Variants in ZP1 observed in about 807,000 individuals in gnomAD.
ZP1 encodes zona pellucida sperm-binding protein 1.
A neutral mutation model predicts 67.4 loss-of-function variants in ZP1; 58 were observed. The observed-to-expected ratio is 0.86, with a 90% CI of 0.70 to 1.07. The LOEUF is 1.07. ZP1 is among the 50% of genes least tolerant of loss of function. The pLI, the probability that ZP1 is intolerant of heterozygous loss-of-function variation, is 0.00. For synonymous variants in ZP1, 333 were observed against 332.7 expected (o/e 1.00, Z -0.01); for missense variants, 759 against 807.3 (o/e 0.94, Z 0.72).
intron 3 of ZP1, 100 bp downstream of exon 3, chr11:60,870,000 T>C (rs1321066179): frequency 1.4e-6 from 2 of 1,397,002 alleles, no homozygotes; most frequent in South Asian, 1.7e-5. Flanking sequence ...ATTTCTTTTT[T>C]TGTTTTTTTC....
At chr11:60,868,916 C>A (rs1217880882) in intron 1 of ZP1, among the ~76,000 whole-genome samples, 2 of 152,204 alleles carry the variant, frequency 1.3e-5, no homozygotes, top group African/African-American at 4.8e-5. Context: ...GTGCTGTGAG[C>A]AGGGAACCCT....
intron 9 of ZP1, 31 bp downstream of exon 9, chr11:60,873,806 C>T (rs1246392097): frequency 6.2e-7 from 1 of 1,611,216 alleles, no homozygotes; most frequent in South Asian, 1.1e-5. Flanking sequence ...CATGCCTGGT[C>T]CCATCTGTTA....
chr11:60,871,830 A>C (rs1413160201), intron 6 of ZP1, among the ~76,000 whole-genome samples: 1 of 152,250 alleles, frequency 6.6e-6, no homozygotes, highest in South Asian at 2.1e-4. Flanking sequence ...CTCAAGAGGC[A>C]AAACCAACCC....
chr11:60,871,766 G>A (rs1855575967), intron 6 of ZP1, among the ~76,000 whole-genome samples: 3 of 152,354 alleles, frequency 2.0e-5, no homozygotes, highest in Non-Finnish European at 4.4e-5. Context: ...TGGTGGGAGA[G>A]GAACTGGGTG....
intron 3 of ZP1, among the ~76,000 whole-genome samples, 173 bp from the exon 4 acceptor site, chr11:60,870,159 C>T (rs918378473): frequency 2.0e-5 from 3 of 152,248 alleles, no homozygotes; most frequent in African/African-American, 7.2e-5. Context: ...GCCAGCAACA[C>T]CTGATTCTCA....
chr11:60,875,515 C>T lies in ZP1; in HGVS notation c.1776C>T (p.Asp592=), dbSNP rs780041385. 1.9e-6 allele frequency: 3 copies of T among 1,613,902 alleles called. No homozygotes were observed. The highest frequency in any genetic ancestry group is 2.2e-5 in the South Asian group (2 of 91,044). ...YGQEPTLGPT[D]SNGNSSLRPL... is the part of the protein sequence containing the mutation. Reference sequence around the variant, plus strand: ...CTGCCAATCCCGTCTCTCTGACAGACTCCAATGGGAACTCCAGCCTGAGAC... The same window carrying T: ...CTGCCAATCCCGTCTCTCTGACAGATTCCAATGGGAACTCCAGCCTGAGAC... The change falls in exon 12 of 12, where the codon GAC becomes GAT. Residue 592 remains aspartate (D), a splice_region_variant and synonymous_variant. Transcript: ENST00000278853.
At chr11:60,875,348 G>A (rs756420108) in intron 11 of ZP1, 100 bp downstream of exon 11, 148 of 1,529,094 alleles carry the variant, frequency 9.7e-5, no homozygotes, top group Non-Finnish European at 1.3e-4. Context: ...CTGAGGGCAA[G>A]AGATGGTGTC....
rs1272331588 is a variant in ZP1 at position 60,875,159 on chromosome 11, A to C, written c.1685A>C (p.Asp562Ala). The C allele has an allele frequency of 2.2e-5, 36 of 1,613,800 alleles. No homozygotes were observed. The highest frequency in any genetic ancestry group is 3.0e-5 in the Non-Finnish European group (35 of 1,180,054). The change falls in exon 11 of 12, where the codon GAC (aspartate) becomes GCC (alanine). Residue 562 changes from aspartate to alanine, a missense_variant. Asp to Ala is a moderately radical substitution (Grantham distance 126). Coordinates refer to ENST00000278853, the MANE Select transcript of ZP1 (RefSeq NM_207341.4). ...RQRRSSGHRN[D>A]TARPQDIVSS... Reference sequence around the variant, plus strand: ...CGACGATCCTCAGGTCACCGTAATGACACTGCCAGGCCCCAGGACATCGTG... The same window carrying C: ...CGACGATCCTCAGGTCACCGTAATGCCACTGCCAGGCCCCAGGACATCGTG...
chr11:60,875,317 A>T, intron 11 of ZP1, 69 bp downstream of exon 11: 3 of 1,556,208 alleles, frequency 1.9e-6, no homozygotes, highest in Non-Finnish European at 2.6e-6. Context: ...TGCTGACAAA[A>T]CAGGGATGCT....
intron 2 of ZP1, 123 bp from the exon 3 acceptor site, chr11:60,869,414 C>A: frequency 6.7e-7 from 1 of 1,495,874 alleles, no homozygotes. Flanking sequence ...AAGGTACTTT[C>A]TGGAATCCAC....
At position 60,873,920 on chromosome 11, in the gene ZP1, G is replaced by A. The variant is rs575615146; in HGVS notation, c.1572+145G>A. On this transcript the variant is annotated intron_variant, in intron 9 of 11. Transcript: ENST00000278853. The stretch of plus-strand genomic sequence containing the variant: ...TCTACCAGGTGTCATGGAAAGCAGC[G>A]GGCTTCGGGTCAGCAAGAAGGTAAC... 1.3e-5 allele frequency: 15 copies of A among 1,128,828 alleles called. No individual in the cohort carries two copies. In the East Asian group the frequency reaches 1.8e-4, roughly 14 times the overall value. 69.9% of individuals were successfully genotyped at this position (1,128,828 alleles called of 1,614,324 possible).
intron 1 of ZP1, 26 bp from the exon 2 acceptor site, chr11:60,869,119 T>C (rs778463976): frequency 1.9e-6 from 3 of 1,613,944 alleles, no homozygotes; most frequent in South Asian, 1.1e-5. Flanking sequence ...TCAACATCCC[T>C]GGCCCCTCCC....
rs1156302727 is a variant in ZP1, at chr11:60,874,963, C to T, written c.1603C>T (p.His535Tyr). Residue 535 changes from histidine to tyrosine, a missense_variant, in exon 10 of 12, where the codon CAC becomes TAC. By Grantham distance (83) the His-to-Tyr change is moderately conservative. Transcript: ENST00000278853. The part of the protein sequence containing the change: ...VYLFCSTSAC[H>Y]TSGLETCSTA... ...CTTGTTCTGCAGCACCTCTGCCTGCCACACCTCAGGGCTGGAGACTTGCTC... is the reference window on the plus strand; with the variant it reads ...CTTGTTCTGCAGCACCTCTGCCTGCTACACCTCAGGGCTGGAGACTTGCTC... 1.2e-6 allele frequency: 2 copies of T among 1,614,240 alleles called. No homozygotes were observed. Among genetic ancestry groups the T allele is most frequent in the East Asian group, 2.2e-5 (1 of 44,886 alleles).
At chr11:60,871,417 C>T in intron 6 of ZP1, 103 bp downstream of exon 6, 4 of 1,276,502 alleles carry the variant, frequency 3.1e-6, no homozygotes, top group Middle Eastern at 2.5e-4. Context: ...CAAACCCAGG[C>T]TCTGCTGTTA....
intron 6 of ZP1, 24 bp from the exon 7 acceptor site, chr11:60,873,138 C>A (rs372634388): frequency 1.3e-6 from 2 of 1,525,612 alleles, no homozygotes; most frequent in Admixed American, 2.1e-5. Context: ...TCTTCTCCCC[C>A]ACCCTCTTGC....
chr11:60,867,909 A>G (rs1158914634), intron 1 of ZP1, 152 bp downstream of exon 1: 3 of 877,278 alleles, frequency 3.4e-6, no homozygotes, highest in Non-Finnish European at 5.1e-6. Context: ...AGAAAAGGGC[A>G]AGGAGGAGAA....
intron 9 of ZP1, 74 bp from the exon 10 acceptor site, chr11:60,874,859 C>T: frequency 6.8e-7 from 1 of 1,473,842 alleles, no homozygotes; most frequent in East Asian, 2.3e-5. Flanking sequence ...CTCGGGGATT[C>T]CATGTCCTTC....
Position 60,873,459 on chromosome 11 carries a change from T to C in ZP1, c.1325T>C (p.Leu442Pro). ...GAACCAGTCCATGTGGAGGTCCGGC[T>C]TCTGCAGAGGACAGACCCCAACCTG... The part of the protein sequence containing the change: ...LREPVHVEVR[L>P]LQRTDPNLVL... Residue 442 changes from leucine (L) to proline (P), a missense_variant, in exon 8 of 12, where the codon CTT becomes CCT. Coordinates refer to ENST00000278853, the MANE Select transcript of ZP1 (RefSeq NM_207341.4). 6.2e-7 allele frequency: 1 copy of C among 1,613,634 alleles called. No individual in the cohort carries two copies. The highest frequency in any genetic ancestry group is 8.5e-7 in the Non-Finnish European group (1 of 1,179,770).
chr11:60,873,565 G>A lies in ZP1; in HGVS notation c.1430+1G>A. On this transcript the variant is annotated splice_donor_variant, in intron 8 of 11. Coordinates refer to ENST00000278853, the MANE Select transcript of ZP1 (RefSeq NM_207341.4). LOFTEE classifies it high-confidence loss of function. ...CCCAGTGGCCCATCCTGTCAGACGGGTGAGTGCCCCCACACTCCCCCCACC... is the reference window on the plus strand; with the variant it reads ...CCCAGTGGCCCATCCTGTCAGACGGATGAGTGCCCCCACACTCCCCCCACC... 1 of 1,613,042 alleles carries A rather than the reference G, an allele frequency of 6.2e-7. No homozygotes were observed. Among genetic ancestry groups the A allele is most frequent in the South Asian group, 1.1e-5 (1 of 91,070 alleles).
Sources: gnomAD v4.1 joint callset for allele counts (sites outside exome capture counted in the v4.1 genomes callset) on GRCh38, gnomAD v4.1.1 for gene constraint, MANE v1.5 for transcripts, NCBI Gene and HGNC (gene_info 2026-07-23, HGNC 2026-07-21) for gene names.